ASGR2: variants seen among roughly 807,000 people sequenced by gnomAD.
ASGR2 encodes the protein C-type lectin domain family 4 member H2.
In ASGR2, 34 loss-of-function variants were observed where a neutral mutation model predicts 32.3. The observed-to-expected ratio is 1.05, with a 90% CI of 0.80 to 1.40. ASGR2 has a LOEUF of 1.40. Among genes scored for constraint, ASGR2 ranks in the 40% most tolerant of loss-of-function variants. The pLI is 0.00. For synonymous variants in ASGR2, 143 were observed against 150.0 expected, an observed-to-expected ratio of 0.95 and a Z score of 0.34; for missense variants, 385 against 386.4, an observed-to-expected ratio of 1.00 and a Z score of 0.03.
rs944664805 is a variant in ASGR2, at chr17:7,107,497, GATCC to G, written c.410-184_410-181del. On this transcript the variant is annotated intron_variant, in intron 5 of 8. Coordinates refer to ENST00000691900, the MANE Select transcript of ASGR2 (RefSeq NM_001201352.2). The surrounding 1 kb of genome is among the most constrained non-coding windows in gnomAD (Gnocchi z 5.0). Reference sequence around the variant, plus strand: ...CCACACATAGACCACACCACACACAGATCCATCACACACACACAAACACACCAAG... The same window carrying G: ...CCACACATAGACCACACCACACACAGATCACACACACACAAACACACCAAG... The G allele has an allele frequency of 5.6e-5, 38 of 675,400 alleles. No individual in the cohort carries two copies. The highest frequency in any genetic ancestry group is 9.2e-5 in the Non-Finnish European group (36 of 390,472). 41.8% of individuals were successfully genotyped at this position (675,400 alleles called of 1,614,324 possible).
intron 7 of ASGR2, 88 bp from the exon 8 acceptor site, chr17:7,102,284 C>A: frequency 9.0e-7 from 1 of 1,110,578 alleles, no homozygotes; most frequent in Non-Finnish European, 1.4e-6. Context: ...CCCTCTCAGC[C>A]TTCCCCAGCC....
At chr17:7,102,834 C>T (rs562644442) in intron 7 of ASGR2, among the ~76,000 whole-genome samples, 3 of 152,266 alleles carry the variant, frequency 2.0e-5, no homozygotes, top group Admixed American at 6.5e-5. Flanking sequence ...GATCTAGCTA[C>T]GTGGAGTCTG....
At chr17:7,104,239 T>G (rs1306942110) in intron 7 of ASGR2, among the ~76,000 whole-genome samples, 1 of 150,800 alleles carries the variant, frequency 6.6e-6, no homozygotes, top group African/African-American at 2.4e-5. Context: ...TCCCAGCTAC[T>G]TGGGAGGCTG....
Position 7,114,268 on chromosome 17 carries a change from G to A in ASGR2, c.-28C>T. The A allele has an allele frequency of 6.2e-7, 1 of 1,612,650 alleles. No homozygotes were observed. Among genetic ancestry groups the A allele is most frequent in the Non-Finnish European group, 8.5e-7 (1 of 1,179,708 alleles). On this transcript the variant is annotated 5_prime_UTR_variant, in exon 2 of 9. Coordinates refer to ENST00000691900, the MANE Select transcript of ASGR2 (RefSeq NM_001201352.2). The surrounding 1 kb of genome is among the most constrained non-coding windows in gnomAD (Gnocchi z 4.5). ...TGGGGCCCGGGCTGGAGCTGGAGCTGGAGCTGGGCTGGGCTGGGCTGAGGT... is the reference window on the plus strand; with the variant it reads ...TGGGGCCCGGGCTGGAGCTGGAGCTAGAGCTGGGCTGGGCTGGGCTGAGGT...
chr17:7,107,936 G>T lies in ASGR2; in HGVS notation c.338-29C>A, dbSNP rs572457006. 6.2e-7 allele frequency: 1 copy of T among 1,612,874 alleles called. No individual in the cohort carries two copies. The highest frequency in any genetic ancestry group is 8.5e-7 in the Non-Finnish European group (1 of 1,179,524). On this transcript the variant is annotated intron_variant, in intron 4 of 8. Coordinates refer to ENST00000691900, the MANE Select transcript of ASGR2 (RefSeq NM_001201352.2). The surrounding 1 kb of genome is among the most constrained non-coding windows in gnomAD (Gnocchi z 5.0). The stretch of plus-strand genomic sequence containing the variant: ...GAAGCGGAAAGCCAGCTGTTTCCCC[G>T]CTGAGCCTCCCTCCGTCCTCATGCT...
Position 7,107,313 on chromosome 17 carries a change from G to C in ASGR2, c.414C>G (p.His138Gln). Residue 138 changes from histidine to glutamine, a missense_variant, in exon 6 of 9, where the codon CAC (histidine) becomes CAG (glutamine). His to Gln is a conservative substitution (Grantham distance 24). Coordinates refer to ENST00000691900, the MANE Select transcript of ASGR2 (RefSeq NM_001201352.2). The surrounding 1 kb of genome is among the most constrained non-coding windows in gnomAD (Gnocchi z 5.0). The stretch of plus-strand genomic sequence containing the variant: ...GCTTCAGATGGAAGAGCAGGGCATC[G>C]TGATCTAGGACAGACAGGCTGAAAG... ...EKQQQDLKAD[H>Q]DALLFHLKHF... 1 of 1,612,934 alleles carries C rather than the reference G, an allele frequency of 6.2e-7. No individual in the cohort carries two copies. The highest frequency in any genetic ancestry group is 8.5e-7 in the Non-Finnish European group (1 of 1,179,998).
chr17:7,110,456 G>A (rs368970561), intron 2 of ASGR2, among the ~76,000 whole-genome samples: 15 of 152,216 alleles, frequency 9.9e-5, no homozygotes, highest in Middle Eastern at 6.8e-3. Context: ...TTCCCAGTCC[G>A]ACTTATCAAC....
chr17:7,104,138 C>T (rs1445175367), intron 7 of ASGR2, among the ~76,000 whole-genome samples: 2 of 151,490 alleles, frequency 1.3e-5, no homozygotes, highest in African/African-American at 4.9e-5. Flanking sequence ...CACCTGAGAT[C>T]GGGAATTGGA....
In ASGR2 at chr17:7,102,952, G is replaced by A. The variant is rs927260134; in HGVS notation, c.649-756C>T. On this transcript the variant is annotated intron_variant, in intron 7 of 8. Transcript: ENST00000691900. ...ACTTCGAGCCTGCAGATAGCTCCCC[G>A]GGACCCACGCGCACCCACACTCCCA... is the stretch of plus-strand genomic sequence containing the variant. Among the ~76,000 whole-genome samples, 8 of 152,226 alleles carry A rather than the reference G, an allele frequency of 5.3e-5. No individual in the cohort carries two copies. The East Asian group carries it at 9.6e-4, about 18-fold the overall frequency.
At position 7,107,580 on chromosome 17, in the gene ASGR2, C is replaced by T. The variant is rs1913946694; in HGVS notation, c.409+256G>A. On this transcript the variant is annotated intron_variant, in intron 5 of 8. Coordinates refer to ENST00000691900, the MANE Select transcript of ASGR2 (RefSeq NM_001201352.2). This position sits in a 1 kb window ranked among gnomAD's most constrained non-coding sequence, Gnocchi z 5.0. Reference sequence around the variant, plus strand: ...ACACACATATACCATACCGCACACACACAGACTCATCTCACACACACCACC... The same window carrying T: ...ACACACATATACCATACCGCACACATACAGACTCATCTCACACACACCACC... 3.1e-6 allele frequency: 2 copies of T among 641,510 alleles called. No individual in the cohort carries two copies. Among genetic ancestry groups the T allele is most frequent in the Admixed American group, 2.5e-5 (1 of 39,944 alleles). The allele number at this position is 641,510 out of a possible 1,614,324, so 39.7% of individuals were successfully genotyped here. A position where few individuals can be genotyped will look rare whatever the true frequency, so the allele number is the denominator to read the frequency against.
Position 7,113,870 on chromosome 17 carries a change from A to G in ASGR2, c.124+247T>C, listed in dbSNP as rs6503006. On this transcript the variant is annotated intron_variant, in intron 2 of 8. Coordinates refer to ENST00000691900, the MANE Select transcript of ASGR2 (RefSeq NM_001201352.2). This position sits in a 1 kb window ranked among gnomAD's most constrained non-coding sequence, Gnocchi z 5.1. ...GCACATACGTGCACACGCACATACG[A>G]GGCACATGTGTTCTTGGGTTGGGAG... Among the ~76,000 whole-genome samples, 130,437 of 152,284 alleles carry G rather than the reference A, an allele frequency of 0.86. 56,160 individuals are homozygous for G. Among genetic ancestry groups the G allele is most frequent in the African/African-American group, 0.95 (39,558 of 41,580 alleles).
At chr17:7,112,276 G>A (rs1312745419) in intron 2 of ASGR2, among the ~76,000 whole-genome samples, 10 of 151,654 alleles carry the variant, frequency 6.6e-5, no homozygotes, top group Non-Finnish European at 1.5e-4. Context: ...GAGACAAGTG[G>A]AAGATGGGCC....
Position 7,114,201 on chromosome 17 carries a change from C to T in ASGR2, c.40G>A (p.Glu14Lys), listed in dbSNP as rs1034023409. The stretch of plus-strand genomic sequence containing the variant: ...TGATGGAAAGGATGGTCATTTTCCT[C>T]CGAGCTCAGCTGCTGGATATCTTGA... ...DFQDIQQLSS[E>K]ENDHPFHQGE... The change falls in exon 2 of 9, where the codon GAG becomes AAG. Residue 14 changes from glutamate to lysine, a missense_variant. Physicochemically the swap from Glu to Lys is moderately conservative, Grantham distance 56. Coordinates refer to ENST00000691900, the MANE Select transcript of ASGR2 (RefSeq NM_001201352.2). The surrounding 1 kb of genome is among the most constrained non-coding windows in gnomAD (Gnocchi z 4.5). 2 of 1,614,082 alleles carry T rather than the reference C, an allele frequency of 1.2e-6. No homozygotes were observed. The highest frequency in any genetic ancestry group is 2.7e-5 in the African/African-American group (2 of 74,928).
At position 7,107,179 on chromosome 17, in the gene ASGR2, G is replaced by A. The variant is rs758773774; in HGVS notation, c.497-28C>T. The A allele has an allele frequency of 1.2e-5, 19 of 1,614,084 alleles. No individual in the cohort carries two copies. The South Asian group carries it at 2.1e-4, about 18-fold the overall frequency. On this transcript the variant is annotated intron_variant, in intron 6 of 8. Coordinates refer to ENST00000691900, the MANE Select transcript of ASGR2 (RefSeq NM_001201352.2). This position sits in a 1 kb window ranked among gnomAD's most constrained non-coding sequence, Gnocchi z 5.0. ...GAGGGGACAGGGGGCAGGGAGATGA[G>A]ATCCAGCCGGAGGGGCAGGCACACT...
chr17:7,109,957 T>C (rs1250904701), intron 2 of ASGR2, among the ~76,000 whole-genome samples: 5 of 152,012 alleles, frequency 3.3e-5, no homozygotes, highest in Non-Finnish European at 7.4e-5. Context: ...GCTCCTCTCT[T>C]TGCAGCATCC....
chr17:7,112,240 G>A (rs532601296), intron 2 of ASGR2, among the ~76,000 whole-genome samples: 1 of 29,602 alleles, frequency 3.4e-5, no homozygotes, highest in African/African-American at 1.2e-4. Flanking sequence ...AAAGAAAAAG[G>A]GGGTAGCAGA....
rs1009224224 is a variant in ASGR2 at position 7,107,292 on chromosome 17, C to A, written c.435G>T (p.Leu145=). 8 of 1,613,676 alleles carry A rather than the reference C, an allele frequency of 5.0e-6. No individual in the cohort carries two copies. The highest frequency in any genetic ancestry group is 1.3e-5 in the African/African-American group (1 of 74,932). ...KADHDALLFH[L]KHFPVDLRFV... is the part of the protein sequence containing the mutation. ...AGCGCAGGTCCACGGGGAAGTGCTT[C>A]AGATGGAAGAGCAGGGCATCGTGAT... is the stretch of plus-strand genomic sequence containing the variant. The change falls in exon 6 of 9, where the codon CTG becomes CTT. Residue 145 remains leucine, a synonymous_variant. Coordinates refer to ENST00000691900, the MANE Select transcript of ASGR2 (RefSeq NM_001201352.2). The surrounding 1 kb of genome is among the most constrained non-coding windows in gnomAD (Gnocchi z 5.0).
In ASGR2 at chr17:7,114,700, G is replaced by A. The variant is rs1420847763; in HGVS notation, c.-156C>T. 1 of 1,018,676 alleles carries A rather than the reference G, an allele frequency of 9.8e-7. No individual in the cohort carries two copies. Among genetic ancestry groups the A allele is most frequent in the Non-Finnish European group, 1.2e-6 (1 of 849,532 alleles). The allele number at this position is 1,018,676 out of a possible 1,614,324, so 63.1% of individuals were successfully genotyped here. On this transcript the variant is annotated 5_prime_UTR_variant, in exon 1 of 9. Transcript: ENST00000691900. The surrounding 1 kb of genome is among the most constrained non-coding windows in gnomAD (Gnocchi z 4.5). The stretch of plus-strand genomic sequence containing the variant: ...GAGGGGTTAAAGCCAGGAGAACTGG[G>A]GCAGGTGGAGCTCACAGGGGAGAGG...
At chr17:7,103,619 A>G (rs1011547271) in intron 7 of ASGR2, among the ~76,000 whole-genome samples, 1 of 152,208 alleles carries the variant, frequency 6.6e-6, no homozygotes, top group Non-Finnish European at 1.5e-5. Flanking sequence ...GTGCCCATTC[A>G]CAAAAGTAAT....
Sources: allele counts gnomAD v4.1 joint callset (sites outside exome capture counted in the v4.1 genomes callset), GRCh38; gene constraint gnomAD v4.1.1; non-coding constraint Gnocchi (gnomAD v3.1); transcripts MANE v1.5; gene names NCBI Gene and HGNC (gene_info 2026-07-23, HGNC 2026-07-21).